PDZD7: variants seen among roughly 807,000 people sequenced by gnomAD.
The protein encoded by PDZD7 is PDZ domain-containing protein 7.
Under a neutral mutation model 84.7 loss-of-function variants are expected in PDZD7, and 72 were observed. That is an observed-to-expected ratio of 0.85 (90% CI 0.70 to 1.03). The LOEUF is 1.03. PDZD7 is among the 50% of genes least tolerant of loss of function. The pLI is 0.00. For missense variants in PDZD7, 1,490 were observed against 1,412.9 expected, an observed-to-expected ratio of 1.05 and a Z score of -0.87; for synonymous variants, 594 against 580.7, an observed-to-expected ratio of 1.02 and a Z score of -0.33.
chr10:101,013,507 C>T (rs1852468801), intron 11 of PDZD7, among the ~76,000 whole-genome samples: 2 of 152,136 alleles, frequency 1.3e-5, no homozygotes, highest in Non-Finnish European at 2.9e-5. Context: ...AGAAGATAGA[C>T]GTAGGGAACA....
intron 11 of PDZD7, 24 bp from the exon 12 acceptor site, chr10:101,012,282 C>T (rs1852423830): frequency 6.5e-7 from 1 of 1,536,856 alleles, no homozygotes; most frequent in Non-Finnish European, 8.8e-7. Context: ...CAGCACAGGT[C>T]AGACAGCAGT....
At chr10:101,021,967 T>C in intron 5 of PDZD7, 22 bp from the exon 6 acceptor site, 1 of 1,613,808 alleles carries the variant, frequency 6.2e-7, no homozygotes, top group Non-Finnish European at 8.5e-7. Flanking sequence ...CAGGCGTCAG[T>C]CTGATAGGCC....
In PDZD7 at chr10:101,008,807, T is replaced by C. The variant is rs2133992998; in HGVS notation, c.2762A>G (p.Gln921Arg). ...GTCTACTGCACGCTGGTGGGTCACC[T>C]GCTCTAGATTCTCTCCGTCCACTGC... ...LVAVDGENLEQVTHQRAVDTI... is the reference protein window; with the variant it reads ...LVAVDGENLERVTHQRAVDTI... Residue 921 changes from glutamine (Q) to arginine (R), a missense_variant, in exon 17 of 17, where the codon CAG becomes CGG. Transcript: ENST00000619208. 1 of 1,522,962 alleles carries C rather than the reference T, an allele frequency of 6.6e-7. No individual in the cohort carries two copies. The highest frequency in any genetic ancestry group is 8.8e-7 in the Non-Finnish European group (1 of 1,137,380). 94.3% of individuals were successfully genotyped at this position (1,522,962 alleles called of 1,614,324 possible).
At chr10:101,021,994 T>G in intron 5 of PDZD7, 49 bp from the exon 6 acceptor site, 1 of 1,606,954 alleles carries the variant, frequency 6.2e-7, no homozygotes. Context: ...CTGCCCTCCG[T>G]TACCCCACTC....
chr10:101,026,656 G>T (rs1246505025), intron 2 of PDZD7, among the ~76,000 whole-genome samples: 1 of 106,290 alleles, frequency 9.4e-6, no homozygotes, highest in East Asian at 2.8e-4. Flanking sequence ...TGTTTGACAG[G>T]GAGAAATCAC....
chr10:101,029,296 C>T (rs1937906946), intron 2 of PDZD7, among the ~76,000 whole-genome samples: 1 of 152,170 alleles, frequency 6.6e-6, no homozygotes, highest in Non-Finnish European at 1.5e-5. Context: ...ATTGCTCTGT[C>T]CTGCTACACT....
chr10:101,012,051 G>A (rs1487500132), intron 12 of PDZD7, 35 bp from the exon 13 acceptor site: 2 of 1,543,036 alleles, frequency 1.3e-6, no homozygotes, highest in Non-Finnish European at 1.8e-6. Context: ...GGGTGGGAGG[G>A]GCAGGCAGGA....
At chr10:101,023,667 C>G in intron 3 of PDZD7, 57 bp from the exon 4 acceptor site, 1 of 1,589,776 alleles carries the variant, frequency 6.3e-7, no homozygotes, top group Non-Finnish European at 8.5e-7. Context: ...CTGAGCCTCC[C>G]CCATCAGATG....
intron 6 of PDZD7, among the ~76,000 whole-genome samples, chr10:101,021,440 C>T (rs1853089498): frequency 6.6e-6 from 1 of 152,116 alleles, no homozygotes; most frequent in South Asian, 2.1e-4. Flanking sequence ...CTGGGGATGC[C>T]CATCACCCAG....
chr10:101,011,696 C>T lies in PDZD7; in HGVS notation c.1999G>A (p.Val667Met), dbSNP rs1283190924. 9.7e-6 allele frequency: 15 copies of T among 1,538,994 alleles called. No homozygotes were observed. Among genetic ancestry groups the T allele is most frequent in the South Asian group, 1.2e-5 (1 of 84,060 alleles). The change falls in exon 14 of 17, where the codon GTG (valine) becomes ATG (methionine). Residue 667 changes from valine (V) to methionine (M), a missense_variant. Transcript: ENST00000619208. ...TPPKRHLITPVPDSRGGFYLL... is the reference protein window; with the variant it reads ...TPPKRHLITPMPDSRGGFYLL... The stretch of plus-strand genomic sequence containing the variant: ...CTCTGGGACTCTGACTGACCAGGCA[C>T]GGGGGTGATAAGGTGACGCTTGGGT...
At chr10:101,029,928 T>C in intron 2 of PDZD7, 66 bp downstream of exon 2, 1 of 1,512,752 alleles carries the variant, frequency 6.6e-7, no homozygotes, top group Non-Finnish European at 9.1e-7. Flanking sequence ...CTCCTCCTGC[T>C]GAGTTCCCAT....
In PDZD7 at chr10:101,012,249, C is replaced by T. The variant is rs866682972; in HGVS notation, c.1759G>A (p.Glu587Lys). The T allele has an allele frequency of 1.3e-6, 2 of 1,550,040 alleles. No individual in the cohort carries two copies. The highest frequency in any genetic ancestry group is 2.4e-5 in the East Asian group (1 of 40,920). The change falls in exon 12 of 17, where the codon GAG (glutamate) becomes AAG (lysine). Residue 587 changes from glutamate (E) to lysine (K), a missense_variant. Coordinates refer to ENST00000619208, the MANE Select transcript of PDZD7 (RefSeq NM_001195263.2). ...VTRHCSRYVHEGGIEDLVRPL... is the reference protein window; with the variant it reads ...VTRHCSRYVHKGGIEDLVRPL... Reference sequence around the variant, plus strand: ...CTCACCAGGTCCTCTATGCCTCCCTCGTGCACATACTGCAGATAGAGGCAG... The same window carrying T: ...CTCACCAGGTCCTCTATGCCTCCCTTGTGCACATACTGCAGATAGAGGCAG...
chr10:101,018,609 C>A (rs1171584290), intron 8 of PDZD7, among the ~76,000 whole-genome samples: 1 of 152,100 alleles, frequency 6.6e-6, no homozygotes, highest in Non-Finnish European at 1.5e-5. Context: ...AGGGCTGGTT[C>A]GGGGAACAGG....
At position 101,030,338 on chromosome 10, in the gene PDZD7, G is replaced by A; in HGVS notation, c.-119C>T. The A allele has an allele frequency of 2.3e-6, 2 of 863,042 alleles. No individual in the cohort carries two copies. Among genetic ancestry groups the A allele is most frequent in the Non-Finnish European group, 3.8e-6 (2 of 532,294 alleles). The allele number at this position is 863,042 out of a possible 1,614,324, so 53.5% of individuals were successfully genotyped here. A position where few individuals can be genotyped will look rare whatever the true frequency, so the allele number is the denominator to read the frequency against. On this transcript the variant is annotated 5_prime_UTR_variant, in exon 2 of 17. It adds an upstream start codon to the 5' untranslated region. Coordinates refer to ENST00000619208, the MANE Select transcript of PDZD7 (RefSeq NM_001195263.2). ...TGTGCGGGGCTGGGGTCTCAGTAAC[G>A]TGAAGGCCCTCGCTTGCGATGCCTC...
intron 9 of PDZD7, chr10:101,017,450 C>T (rs1339932133): frequency 1.9e-6 from 1 of 523,954 alleles, no homozygotes; most frequent in Non-Finnish European, 3.4e-6. Flanking sequence ...TGGTCTTAAA[C>T]TCCTGGGCTC....
intron 12 of PDZD7, 27 bp downstream of exon 12, chr10:101,012,140 C>T (rs772425777): frequency 6.5e-6 from 10 of 1,548,132 alleles, no homozygotes; most frequent in Non-Finnish European, 8.7e-6. Context: ...TTCCTGCCCC[C>T]AAGCCCTCTC....
At chr10:101,015,465 TGTGTGTG>T (rs1852575729) in intron 11 of PDZD7, among the ~76,000 whole-genome samples, 164 bp downstream of exon 11, 1 of 60,996 alleles carries the variant, frequency 1.6e-5, no homozygotes, top group South Asian at 1.2e-3. Flanking sequence ...AGCTGGCAGA[TGTGTGTG>T]TGTGTGTGTG....
intron 5 of PDZD7, 85 bp from the exon 6 acceptor site, chr10:101,022,030 A>C: frequency 6.3e-7 from 1 of 1,576,626 alleles, no homozygotes. Context: ...TGGACACAAG[A>C]CTGCACCAGT....
chr10:101,018,122 T>A lies in PDZD7; in HGVS notation c.1499A>T (p.Tyr500Phe), dbSNP rs1852806888. Residue 500 changes from tyrosine to phenylalanine, a missense_variant, in exon 9 of 17, where the codon TAC becomes TTC. Physicochemically the swap from Tyr to Phe is conservative, Grantham distance 22. Transcript: ENST00000619208. ...ACCTTTCTCTATGTCCAGGCGAGGG[T>A]AAGTTTTGGCCAGGCTCCCGCTGTC... Reference protein sequence around the residue: ...TLDSGSLAKTYPRLDIEKAGG... With the variant: ...TLDSGSLAKTFPRLDIEKAGG... 25 of 1,613,984 alleles carry A rather than the reference T, an allele frequency of 1.5e-5. No individual in the cohort carries two copies. The highest frequency in any genetic ancestry group is 2.0e-5 in the Non-Finnish European group (24 of 1,180,000).
Sources: gnomAD v4.1 joint callset for allele counts (sites outside exome capture counted in the v4.1 genomes callset) on GRCh38, gnomAD v4.1.1 for gene constraint, MANE v1.5 for transcripts, NCBI Gene and HGNC (gene_info 2026-07-23, HGNC 2026-07-21) for gene names.